The following UTY variants were observed in gnomAD, a reference collection of about 807,000 sequenced individuals.
UTY encodes ubiquitously transcribed tetratricopeptide repeat containing, Y-linked.
UTY carries 12 observed loss-of-function variants against 32.5 expected under a neutral mutation model. The ratio of observed to expected loss-of-function variants is 0.37; its 90% CI spans 0.24 to 0.60. The LOEUF (loss-of-function observed/expected upper bound fraction) is 0.60. Ranked by LOEUF, UTY falls within the 20% of genes least tolerant of loss-of-function variation. The pLI is 0.69. For missense variants in UTY, 303 were observed against 299.2 expected, an observed-to-expected ratio of 1.01 and a Z score of -0.09; for synonymous variants, 131 against 103.4, an observed-to-expected ratio of 1.27 and a Z score of -1.62.
intron 17 of UTY, among the ~76,000 whole-genome samples, chrY:13,340,914 C>T: frequency 6.0e-5 from 2 of 33,390 alleles, no homozygotes; most frequent in Non-Finnish European, 1.5e-4. Flanking sequence ...CATAAGCACT[C>T]CCGATAGAGG....
intron 4 of UTY, among the ~76,000 whole-genome samples, chrY:13,439,767 C>G (rs2075011441): frequency 3.1e-5 from 1 of 32,771 alleles, no homozygotes; most frequent in Admixed American, 2.8e-4. Context: ...GGAACTAACA[C>G]TGAGAAAGCA....
intron 21 of UTY, among the ~76,000 whole-genome samples, chrY:13,312,501 T>C: frequency 3.2e-5 from 1 of 31,040 alleles, no homozygotes; most frequent in Non-Finnish European, 7.8e-5. Flanking sequence ...TGGTGGCTCA[T>C]GTAATTGCAG....
At chrY:13,329,416 GAAGT>G (rs2060507768) in intron 18 of UTY, among the ~76,000 whole-genome samples, 1 of 33,559 alleles carries the variant, frequency 3.0e-5, no homozygotes, top group Non-Finnish European at 7.4e-5. Context: ...TAAAAATATA[GAAGT>G]AATACAGTAT....
intron 6 of UTY, among the ~76,000 whole-genome samples, chrY:13,399,111 A>G: frequency 3.0e-5 from 1 of 33,313 alleles, no homozygotes; most frequent in Non-Finnish European, 7.4e-5. Context: ...TCCCAAAGGA[A>G]TGGGAAGCTT....
chrY:13,383,766 C>G, intron 8 of UTY, among the ~76,000 whole-genome samples: 1 of 33,000 alleles, frequency 3.0e-5, no homozygotes, highest in African/African-American at 1.2e-4. Context: ...AAGATCCATA[C>G]ATCAATAATC....
intron 19 of UTY, 33 bp downstream of exon 19, chrY:13,326,188 G>A (rs1569457745): frequency 2.6e-6 from 1 of 392,118 alleles, no homozygotes; most frequent in East Asian, 9.3e-5. Flanking sequence ...TCAGACTCTC[G>A]ATTTATTTAT....
At chrY:13,441,262 C>A (rs2075155004) in intron 4 of UTY, among the ~76,000 whole-genome samples, 1 of 33,151 alleles carries the variant, frequency 3.0e-5, no homozygotes, top group Non-Finnish European at 7.4e-5. Context: ...ATTTTCAAGT[C>A]ATTCAGTGAA....
intron 14 of UTY, 25 bp from the exon 15 acceptor site, chrY:13,357,994 T>C (rs1249621034): frequency 2.8e-6 from 1 of 363,346 alleles, no homozygotes. Context: ...GTGTAAAAGA[T>C]TAAGAATATT....
intron 3 of UTY, among the ~76,000 whole-genome samples, chrY:13,454,015 A>C: frequency 3.4e-5 from 1 of 29,483 alleles, no homozygotes; most frequent in Non-Finnish European, 8.1e-5. Context: ...TGAGGTCAGG[A>C]GTTCGAGACC....
intron 21 of UTY, among the ~76,000 whole-genome samples, chrY:13,312,012 A>G: frequency 3.0e-5 from 1 of 33,805 alleles, no homozygotes. Flanking sequence ...AGAATCTACA[A>G]AGAACTTAAC....
At chrY:13,432,059 A>G in intron 4 of UTY, among the ~76,000 whole-genome samples, 1 of 33,552 alleles carries the variant, frequency 3.0e-5, no homozygotes, top group Admixed American at 2.7e-4. Flanking sequence ...CTAGAAATAA[A>G]TATTACTGAA....
chrY:13,470,617 T>C (rs2078403967), intron 2 of UTY, among the ~76,000 whole-genome samples: 1 of 32,625 alleles, frequency 3.1e-5, no homozygotes, highest in Admixed American at 2.8e-4. Context: ...GTGGAAGTAA[T>C]CACAACATGG....
chrY:13,296,014 C>G, intron 27 of UTY, among the ~76,000 whole-genome samples: 1 of 33,363 alleles, frequency 3.0e-5, no homozygotes, highest in South Asian at 6.9e-4. Context: ...TGGCCCTGCT[C>G]CCACACCTCC....
intron 4 of UTY, 122 bp from the exon 5 acceptor site, chrY:13,414,915 A>G: frequency 8.1e-6 from 1 of 122,957 alleles, no homozygotes; most frequent in Non-Finnish European, 1.4e-5. Context: ...CATATATTAC[A>G]ATATTCTTCT....
At chrY:13,281,119 T>C (rs2056987051) in intron 27 of UTY, among the ~76,000 whole-genome samples, 2 of 33,478 alleles carry the variant, frequency 6.0e-5, no homozygotes, top group Non-Finnish European at 1.5e-4. Context: ...ATATCACCAA[T>C]ACCAGACTCG....
intron 8 of UTY, 33 bp downstream of exon 8, chrY:13,393,826 G>A: frequency 5.5e-6 from 2 of 366,063 alleles, no homozygotes; most frequent in Non-Finnish European, 7.6e-6. Flanking sequence ...ATAGGTGACT[G>A]TTTCATTCTT....
At chrY:13,435,356 C>T in intron 4 of UTY, among the ~76,000 whole-genome samples, 1 of 33,306 alleles carries the variant, frequency 3.0e-5, no homozygotes, top group African/African-American at 1.2e-4. Context: ...TATTGCCTGC[C>T]TCCAGACCCC....
At chrY:13,405,819 G>A (rs778893579) in intron 6 of UTY, among the ~76,000 whole-genome samples, 12 of 32,866 alleles carry the variant, frequency 3.7e-4, no homozygotes, top group Admixed American at 3.3e-3. Context: ...ATGATCTGAG[G>A]AATAAGGCCT....
intron 27 of UTY, among the ~76,000 whole-genome samples, chrY:13,263,666 T>G: frequency 3.0e-5 from 1 of 33,442 alleles, no homozygotes; most frequent in African/African-American, 1.2e-4. Context: ...TTAAAAAATA[T>G]AAAGGAAGGG....
Sources: gnomAD v4.1 joint callset for allele counts (sites outside exome capture counted in the v4.1 genomes callset) on GRCh38, gnomAD v4.1.1 for gene constraint, MANE v1.5 for transcripts, NCBI Gene and HGNC (gene_info 2026-07-23, HGNC 2026-07-21) for gene names.